The following MAP2K1 variants were observed in gnomAD, a reference collection of about 807,000 sequenced individuals.
MAP2K1 encodes dual specificity mitogen-activated protein kinase kinase 1.
In MAP2K1, 16 loss-of-function variants were observed where a neutral mutation model predicts 46.3. That is an observed-to-expected ratio of 0.35 (90% CI 0.23 to 0.52). The LOEUF is 0.52. MAP2K1 is among the 20% of genes least tolerant of loss of function. The pLI is 0.94. For missense variants in MAP2K1, 263 were observed against 497.1 expected (o/e 0.53, Z 4.48); for synonymous variants, 183 against 185.6 (o/e 0.99, Z 0.11).
chr15:66,399,778 G>T (rs2093377132), intron 1 of MAP2K1, among the ~76,000 whole-genome samples: 1 of 152,098 alleles, frequency 6.6e-6, no homozygotes, highest in Admixed American at 6.6e-5. Context: ...TGTATTTTTA[G>T]TAGAGATGGG....
chr15:66,448,164 A>G (rs1313275200), intron 5 of MAP2K1, among the ~76,000 whole-genome samples: 1 of 135,704 alleles, frequency 7.4e-6, no homozygotes, highest in Non-Finnish European at 1.7e-5. Flanking sequence ...AAAAAAAAAA[A>G]AAAAAAAAAC....
chr15:66,471,133 G>A (rs1892623496), intron 5 of MAP2K1, among the ~76,000 whole-genome samples: 1 of 152,208 alleles, frequency 6.6e-6, no homozygotes, highest in African/African-American at 2.4e-5. Flanking sequence ...GCCCTAAGCA[G>A]TTCCCAGCTT....
At chr15:66,445,246 G>T (rs73471718) in intron 5 of MAP2K1, among the ~76,000 whole-genome samples, 2 of 151,906 alleles carry the variant, frequency 1.3e-5, no homozygotes, top group Non-Finnish European at 1.5e-5. Flanking sequence ...AAAATTAGCC[G>T]CCAGCCATGG....
intron 1 of MAP2K1, among the ~76,000 whole-genome samples, chr15:66,424,107 G>A (rs866175796): frequency 2.0e-5 from 3 of 151,650 alleles, no homozygotes; most frequent in Non-Finnish European, 4.4e-5. Flanking sequence ...GCCCATGCTG[G>A]AGTGCAATGG....
intron 1 of MAP2K1, among the ~76,000 whole-genome samples, chr15:66,400,220 C>T (rs997464545): frequency 6.6e-5 from 10 of 151,902 alleles, no homozygotes; most frequent in African/African-American, 2.4e-4. Context: ...GACAGGTTCT[C>T]ACTCTGTTGC....
intron 1 of MAP2K1, among the ~76,000 whole-genome samples, chr15:66,394,839 A>AGT (rs1320070692): frequency 6.6e-6 from 1 of 152,202 alleles, no homozygotes; most frequent in African/African-American, 2.4e-5. Context: ...TGCAGTAACT[A>AGT]ATACTGGTGC....
intron 1 of MAP2K1, among the ~76,000 whole-genome samples, chr15:66,390,167 A>C (rs1489799268): frequency 1.3e-5 from 2 of 151,988 alleles, no homozygotes; most frequent in African/African-American, 4.8e-5. Flanking sequence ...TACCTCTATG[A>C]CTCATTGCTG....
At chr15:66,478,929 G>A (rs1306570918) in intron 5 of MAP2K1, among the ~76,000 whole-genome samples, 1 of 152,172 alleles carries the variant, frequency 6.6e-6, no homozygotes, top group African/African-American at 2.4e-5. Flanking sequence ...CACAGGTAAG[G>A]TAGCAGGTGT....
chr15:66,431,965 G>A (rs375293260), intron 1 of MAP2K1, among the ~76,000 whole-genome samples: 2 of 152,102 alleles, frequency 1.3e-5, no homozygotes, highest in African/African-American at 4.8e-5. Flanking sequence ...GTATACCTGC[G>A]TTAGTTTGCT....
intron 1 of MAP2K1, among the ~76,000 whole-genome samples, chr15:66,399,236 A>T (rs1291768328): frequency 1.2e-4 from 18 of 152,260 alleles, no homozygotes. Flanking sequence ...TGTTTTGTTT[A>T]GTTAGAGTTT....
rs753511565 is a variant in MAP2K1 at position 66,418,945 on chromosome 15, C to CTT, written c.81-16061_81-16060dup. 1.6e-3 allele frequency among the ~76,000 whole-genome samples: 140 copies of CTT among 88,864 alleles called. 1 individual carries two copies. The highest frequency in any genetic ancestry group is 5.6e-3 in the African/African-American group (120 of 21,436). The allele number at this position is 88,864 out of a possible 152,430, so 58.3% of individuals were successfully genotyped here. A position where few individuals can be genotyped will look rare whatever the true frequency, so the allele number is the denominator to read the frequency against. ...AGAGGTGTGATCCACTGTGCCCGGC[C>CTT]TTTTTTTTTTTTTTTTTTTTTTCCT... On this transcript the variant is annotated intron_variant, in intron 1 of 10. Transcript: ENST00000307102.
At chr15:66,415,888 T>G (rs1199447317) in intron 1 of MAP2K1, among the ~76,000 whole-genome samples, 2 of 152,246 alleles carry the variant, frequency 1.3e-5, no homozygotes, top group Non-Finnish European at 2.9e-5. Flanking sequence ...AGTTTTACTT[T>G]AGACTATATA....
intron 9 of MAP2K1, 66 bp from the exon 10 acceptor site, chr15:66,489,652 A>C: frequency 8.2e-7 from 1 of 1,221,856 alleles, no homozygotes; most frequent in Admixed American, 1.7e-5. Context: ...ACAGGCATGC[A>C]AACATGTTAT....
Position 66,444,905 on chromosome 15 carries a change from C to T in MAP2K1, c.568+198C>T, listed in dbSNP as rs116786504. On this transcript the variant is annotated intron_variant, in intron 5 of 10. Coordinates refer to ENST00000307102, the MANE Select transcript of MAP2K1 (RefSeq NM_002755.4). ...CTTTTTGGTCTTGCTACACCTATTG[C>T]CTATAGCTGTGATGGACAATAGTCA... 652 of 579,864 alleles carry T rather than the reference C, an allele frequency of 1.1e-3. 3 individuals carry two copies. In the African/African-American group the frequency reaches 0.011, roughly 10 times the overall value. The allele number at this position is 579,864 out of a possible 1,614,324, so 35.9% of individuals were successfully genotyped here.
At chr15:66,447,228 G>GT (rs1164968095) in intron 5 of MAP2K1, among the ~76,000 whole-genome samples, 2 of 148,704 alleles carry the variant, frequency 1.3e-5, no homozygotes, top group African/African-American at 5.0e-5. Context: ...TTTTTTTGAC[G>GT]TCCCCCTTCT....
intron 5 of MAP2K1, among the ~76,000 whole-genome samples, chr15:66,461,609 A>G (rs1046770784): frequency 7.9e-5 from 12 of 152,106 alleles, no homozygotes; most frequent in East Asian, 1.9e-4. Flanking sequence ...AACAAACACG[A>G]TGGAATTTTC....
rs1314139458 is a variant in MAP2K1 at position 66,490,741 on chromosome 15, A to G, written c.*126A>G. The G allele has an allele frequency of 2.7e-6, 2 of 744,042 alleles. No individual in the cohort carries two copies. Among genetic ancestry groups the G allele is most frequent in the South Asian group, 2.8e-5 (2 of 70,386 alleles). The allele number at this position is 744,042 out of a possible 1,614,324, so 46.1% of individuals were successfully genotyped here. A position where few individuals can be genotyped will look rare whatever the true frequency, so the allele number is the denominator to read the frequency against. On this transcript the variant is annotated 3_prime_UTR_variant, in exon 11 of 11. Coordinates refer to ENST00000307102, the MANE Select transcript of MAP2K1 (RefSeq NM_002755.4). ...ACCTGTGACAAAGGATGAAGAACACAGCATGTGCCAAGATTCTACTCTTGT... is the reference window on the plus strand; with the variant it reads ...ACCTGTGACAAAGGATGAAGAACACGGCATGTGCCAAGATTCTACTCTTGT...
intron 3 of MAP2K1, among the ~76,000 whole-genome samples, chr15:66,441,933 T>C (rs1469472535): frequency 1.3e-5 from 2 of 152,174 alleles, no homozygotes; most frequent in South Asian, 2.1e-4. Flanking sequence ...CCTGAAGCCA[T>C]AGGGGAACTT....
At chr15:66,475,317 A>G (rs906274294) in intron 5 of MAP2K1, among the ~76,000 whole-genome samples, 5 of 152,306 alleles carry the variant, frequency 3.3e-5, no homozygotes, top group South Asian at 2.1e-4. Flanking sequence ...TTTGAAGCCT[A>G]AAGTCGCCAT....
Sources: allele counts gnomAD v4.1 joint callset (sites outside exome capture counted in the v4.1 genomes callset), GRCh38; gene constraint gnomAD v4.1.1; transcripts MANE v1.5; gene names NCBI Gene and HGNC (gene_info 2026-07-23, HGNC 2026-07-21).